TTC28: variants seen among roughly 807,000 people sequenced by gnomAD.
TTC28 encodes tetratricopeptide repeat domain 28.
TTC28 carries 61 observed loss-of-function variants against 198.0 expected under a neutral mutation model. The ratio of observed to expected loss-of-function variants is 0.31; its 90% CI spans 0.25 to 0.38. TTC28 has a LOEUF of 0.38. Ranked by LOEUF, TTC28 falls within the 10% of genes least tolerant of loss-of-function variation. The probability of loss-of-function intolerance (pLI) is 1.00; values close to 1 mark genes in which losing one functional copy is unlikely to be tolerated. For synonymous variants in TTC28, 1,171 were observed against 1,297.8 expected, an observed-to-expected ratio of 0.90 and a Z score of 2.10; for missense variants, 2,678 against 3,164.0, an observed-to-expected ratio of 0.85 and a Z score of 3.69.
intron 2 of TTC28, among the ~76,000 whole-genome samples, chr22:28,452,205 T>C (rs369917987): frequency 1.3e-4 from 20 of 151,780 alleles, no homozygotes; most frequent in Non-Finnish European, 2.8e-4. Flanking sequence ...CTGGCTAACA[T>C]GGTGAAACCC....
At chr22:28,235,847 G>A (rs145687568) in intron 5 of TTC28, among the ~76,000 whole-genome samples, 505 of 152,306 alleles carry the variant, frequency 3.3e-3, no homozygotes, top group Middle Eastern at 0.014. Flanking sequence ...TGTTAACTTC[G>A]TTAAGTTGGA....
intron 2 of TTC28, among the ~76,000 whole-genome samples, chr22:28,616,221 A>T (rs1224800348): frequency 6.6e-6 from 1 of 152,166 alleles, no homozygotes; most frequent in East Asian, 1.9e-4. Flanking sequence ...CAAATCTTCC[A>T]GTTACTAACT....
At chr22:28,056,682 T>C (rs1940303924) in intron 12 of TTC28, among the ~76,000 whole-genome samples, 1 of 152,176 alleles carries the variant, frequency 6.6e-6, no homozygotes, top group Non-Finnish European at 1.5e-5. Flanking sequence ...ATTGCACAAA[T>C]CTTAATGTAC....
At chr22:28,299,259 A>G (rs915516728) in intron 3 of TTC28, among the ~76,000 whole-genome samples, 12 of 152,038 alleles carry the variant, frequency 7.9e-5, no homozygotes, top group Admixed American at 4.6e-4. Context: ...AAAAAACTAT[A>G]AAAGGGGTGG....
In TTC28 at chr22:28,312,774, C is replaced by T. The variant is rs150343662; in HGVS notation, c.382-6131G>A. On this transcript the variant is annotated intron_variant, in intron 2 of 22. Transcript: ENST00000397906. The stretch of plus-strand genomic sequence containing the variant: ...AGAGAAAGCAGGAGAGATCTAAAAT[C>T]GATACCCTAACATCACAATTGAAAG... Among the ~76,000 whole-genome samples the T allele has an allele frequency of 3.7e-3, 557 of 152,032 alleles. 10 individuals are homozygous for T. The East Asian group carries it at 0.053, about 15-fold the overall frequency.
intron 11 of TTC28, 46 bp downstream of exon 11, chr22:28,096,144 A>G: frequency 6.8e-7 from 1 of 1,476,140 alleles, no homozygotes; most frequent in Non-Finnish European, 9.0e-7. Flanking sequence ...AGACTTTCAC[A>G]GGTCTAGTCT....
At chr22:28,546,395 G>T (rs754769292) in intron 2 of TTC28, among the ~76,000 whole-genome samples, 1 of 152,150 alleles carries the variant, frequency 6.6e-6, no homozygotes, top group Non-Finnish European at 1.5e-5. Context: ...GCAGTGAGCC[G>T]AGAGGGCACC....
intron 2 of TTC28, among the ~76,000 whole-genome samples, chr22:28,493,248 C>T (rs879447776): frequency 1.4e-4 from 21 of 151,798 alleles, no homozygotes; most frequent in Non-Finnish European, 2.4e-4. Context: ...CTCAGCTACT[C>T]GGTAGGCTGA....
intron 12 of TTC28, among the ~76,000 whole-genome samples, chr22:28,075,057 C>A (rs191388626): frequency 6.6e-6 from 1 of 151,958 alleles, no homozygotes; most frequent in East Asian, 1.9e-4. Flanking sequence ...CAACGCACTA[C>A]AGCCTGGATA....
chr22:28,553,766 C>T (rs2049740235), intron 2 of TTC28, among the ~76,000 whole-genome samples: 2 of 151,418 alleles, frequency 1.3e-5, no homozygotes, highest in Non-Finnish European at 1.5e-5. Flanking sequence ...GTCAGCCCCC[C>T]GCCCGGCCAG....
At position 28,130,929 on chromosome 22, in the gene TTC28, T is replaced by C. The variant is rs192105340; in HGVS notation, c.1442-22526A>G. ...ACAATATATAATTCTAAAACATATA[T>C]AGCTTCTGCCTGAGGAGCCAAACGT... On this transcript the variant is annotated intron_variant, in intron 6 of 22. Transcript: ENST00000397906. Among the ~76,000 whole-genome samples the C allele has an allele frequency of 1.9e-3, 283 of 152,382 alleles. 1 individual carries two copies. Among genetic ancestry groups the C allele is most frequent in the Middle Eastern group, 6.8e-3 (2 of 294 alleles).
chr22:28,336,375 C>A (rs554046005), intron 2 of TTC28, among the ~76,000 whole-genome samples: 1 of 152,150 alleles, frequency 6.6e-6, no homozygotes, highest in Non-Finnish European at 1.5e-5. Context: ...GGAGGATTCC[C>A]TCTTTTTCTA....
Position 28,163,554 on chromosome 22 carries a change from T to G in TTC28, c.979A>C (p.Ile327Leu), listed in dbSNP as rs1921494554. ...LSSLGHVYTAIGDYPNALASH... is the reference protein window; with the variant it reads ...LSSLGHVYTALGDYPNALASH... ...GCCAGTGCATTGGGGTAGTCTCCAA[T>G]GGCTGTGTACACGTGGCCCAGACTG... is the stretch of plus-strand genomic sequence containing the variant. The change falls in exon 6 of 23, where the codon ATT becomes CTT. Residue 327 changes from isoleucine (I) to leucine (L), a missense_variant. Transcript: ENST00000397906. 6.4e-7 allele frequency: 1 copy of G among 1,551,358 alleles called. No homozygotes were observed. Among genetic ancestry groups the G allele is most frequent in the South Asian group, 1.2e-5 (1 of 83,996 alleles).
chr22:28,460,794 CT>C (rs2047939420), intron 2 of TTC28, among the ~76,000 whole-genome samples: 1 of 152,122 alleles, frequency 6.6e-6, no homozygotes, highest in Non-Finnish European at 1.5e-5. Flanking sequence ...AGCAATACTC[CT>C]GCCTCAGCCT....
chr22:28,290,997 G>A (rs912436606), intron 5 of TTC28, among the ~76,000 whole-genome samples: 1 of 152,024 alleles, frequency 6.6e-6, no homozygotes, highest in South Asian at 2.1e-4. Flanking sequence ...CCCTAAAAGT[G>A]TAGATCAGTG....
At chr22:28,097,927 G>A (rs1018886587) in intron 10 of TTC28, among the ~76,000 whole-genome samples, 1 of 152,184 alleles carries the variant, frequency 6.6e-6, no homozygotes, top group Non-Finnish European at 1.5e-5. Context: ...GTAATCCCAG[G>A]CAATGAACAC....
intron 6 of TTC28, among the ~76,000 whole-genome samples, chr22:28,112,432 G>C (rs975346450): frequency 2.0e-5 from 3 of 152,142 alleles, no homozygotes; most frequent in Non-Finnish European, 4.4e-5. Flanking sequence ...GCACTCTACT[G>C]TTCTCCTGTC....
At chr22:28,505,345 C>A (rs1023014432) in intron 2 of TTC28, among the ~76,000 whole-genome samples, 2 of 152,036 alleles carry the variant, frequency 1.3e-5, no homozygotes, top group African/African-American at 2.4e-5. Flanking sequence ...TGCGGCACTC[C>A]GAAAGGAATG....
chr22:27,991,091 A>G (rs921031990), intron 19 of TTC28, among the ~76,000 whole-genome samples: 11 of 152,020 alleles, frequency 7.2e-5, no homozygotes, highest in African/African-American at 2.7e-4. Context: ...GGGAAAGAGC[A>G]CAGCGGGCGT....
Sources: allele counts gnomAD v4.1 joint callset (sites outside exome capture counted in the v4.1 genomes callset), GRCh38; gene constraint gnomAD v4.1.1; transcripts MANE v1.5; gene names NCBI Gene and HGNC (gene_info 2026-07-23, HGNC 2026-07-21).